PLXNA4: variants seen among roughly 807,000 people sequenced by gnomAD.
PLXNA4 encodes the protein plexin-A4.
In PLXNA4, 44 loss-of-function variants were observed where a neutral mutation model predicts 191.8. The observed-to-expected ratio is 0.23, with a 90% CI of 0.18 to 0.29. PLXNA4 has a LOEUF of 0.29. Ranked by LOEUF, PLXNA4 falls within the 10% of genes least tolerant of loss-of-function variation. PLXNA4 has a pLI of 1.00. For missense variants in PLXNA4, 1,800 were observed against 2,488.8 expected, an observed-to-expected ratio of 0.72 and a Z score of 5.89; for synonymous variants, 1,082 against 1,009.5, an observed-to-expected ratio of 1.07 and a Z score of -1.36.
rs10270366 is a variant in PLXNA4, at chr7:132,217,927, T to C, written c.2097+5600A>G. Among the ~76,000 whole-genome samples, 135 of 103,710 alleles carry C rather than the reference T, an allele frequency of 1.3e-3. 1 individual carries two copies. Among genetic ancestry groups the C allele is most frequent in the African/African-American group, 4.7e-3 (119 of 25,556 alleles). 68.0% of individuals were successfully genotyped at this position (103,710 alleles called of 152,430 possible). On this transcript the variant is annotated intron_variant, in intron 9 of 31. Coordinates refer to ENST00000321063, the MANE Select transcript of PLXNA4 (RefSeq NM_020911.2). The stretch of plus-strand genomic sequence containing the variant: ...TTTTTTTTTTTTTTTTTTTTTTTTT[T>C]CACAGCAGGGTGAAAGGCATGGCAG...
chr7:132,539,217 C>CA (rs1400380450), intron 1 of PLXNA4, among the ~76,000 whole-genome samples: 1 of 152,162 alleles, frequency 6.6e-6, no homozygotes, highest in Non-Finnish European at 1.5e-5. Flanking sequence ...CTGTCCCTGC[C>CA]ACAAAGACCG....
intron 9 of PLXNA4, among the ~76,000 whole-genome samples, chr7:132,222,137 C>T (rs911925411): frequency 2.0e-5 from 3 of 152,204 alleles, no homozygotes; most frequent in African/African-American, 7.2e-5. Flanking sequence ...GACAACATCT[C>T]CACTCCTTGC....
At chr7:132,214,954 C>T (rs1160761954) in intron 9 of PLXNA4, among the ~76,000 whole-genome samples, 2 of 152,154 alleles carry the variant, frequency 1.3e-5, no homozygotes, top group Admixed American at 6.5e-5. Context: ...GGTGAGTGGA[C>T]ATTCAGCAAA....
At chr7:132,633,654 T>A (rs1803537596) in intron 2 of PLXNA4, among the ~76,000 whole-genome samples, 2 of 152,206 alleles carry the variant, frequency 1.3e-5, no homozygotes, top group South Asian at 2.1e-4. Context: ...AGGCACTGAA[T>A]AGTTAAAGGC....
chr7:132,259,575 C>T (rs962039851), intron 4 of PLXNA4, among the ~76,000 whole-genome samples: 2 of 151,962 alleles, frequency 1.3e-5, no homozygotes, highest in Admixed American at 6.6e-5. Context: ...TTCCCAAGGC[C>T]CTCCAGCCAG....
chr7:132,140,642 G>A lies in PLXNA4; in HGVS notation c.5395C>T (p.Leu1799=). 6.2e-7 allele frequency: 1 copy of A among 1,614,186 alleles called. No individual in the cohort carries two copies. The highest frequency in any genetic ancestry group is 8.5e-7 in the Non-Finnish European group (1 of 1,180,030). ...TAGCTGGGGATGTCCTTGGCATACA[G>A]CAGCTTGTTGGAGGGCGAGTCCTTG... is the stretch of plus-strand genomic sequence containing the variant. ...LGKDSPSNKL[L]YAKDIPSYKN... is the part of the protein sequence containing the mutation. The change falls in exon 30 of 32, where the codon CTG becomes TTG. Residue 1799 remains leucine, a synonymous_variant. Transcript: ENST00000321063.
intron 10 of PLXNA4, among the ~76,000 whole-genome samples, chr7:132,204,391 T>C (rs1797543908): frequency 6.6e-6 from 1 of 152,208 alleles, no homozygotes; most frequent in Non-Finnish European, 1.5e-5. Flanking sequence ...CCTGGTGATT[T>C]TCTCATTATT....
chr7:132,384,883 A>T, intron 3 of PLXNA4: 1 of 1,201,044 alleles, frequency 8.3e-7, no homozygotes, highest in South Asian at 1.7e-5. Flanking sequence ...TTCCGATGGG[A>T]GAATCAGTTA....
At chr7:132,385,587 C>A (rs1234148459) in intron 3 of PLXNA4, among the ~76,000 whole-genome samples, 1 of 152,210 alleles carries the variant, frequency 6.6e-6, no homozygotes, top group Non-Finnish European at 1.5e-5. Flanking sequence ...TATGATGGCA[C>A]GTGTCTTAGA....
At position 132,548,155 on chromosome 7, in the gene PLXNA4, C is replaced by T. The variant is rs545357184; in HGVS notation, c.-87+28267G>A. 1.1e-4 allele frequency among the ~76,000 whole-genome samples: 16 copies of T among 152,214 alleles called. 1 individual carries two copies. The South Asian group carries it at 2.9e-3, about 28-fold the overall frequency. On this transcript the variant is annotated intron_variant, in intron 1 of 31. Transcript: ENST00000321063. ...AAAAGAGTTTCTAGGAATGCCACGTCCCAAATCCTGTGGGGTTTGTGAGGG... is the reference window on the plus strand; with the variant it reads ...AAAAGAGTTTCTAGGAATGCCACGTTCCAAATCCTGTGGGGTTTGTGAGGG...
rs12535632 is a variant in PLXNA4, at chr7:132,619,375, A to G, written c.-87+26553T>C. Among the ~76,000 whole-genome samples, 1,083 of 152,332 alleles carry G rather than the reference A, an allele frequency of 7.1e-3. 8 individuals are homozygous for G. The highest frequency in any genetic ancestry group is 0.027 in the Middle Eastern group (8 of 294). On this transcript the variant is annotated intron_variant, in intron 2 of 4. Transcript: ENST00000378539. ...CATGCATACCTGTCCAAAAAGATTA[A>G]CTGCCAGATTAAACATAAAAAGTGA...
In PLXNA4 at chr7:132,629,507, G is replaced by A. The variant is rs559687625; in HGVS notation, c.-87+16421C>T. ...CATTACCTCTGAGTTTCTGGAGTGAGGTCCTGACCTGCATATTTTTTAACT... is the reference window on the plus strand; with the variant it reads ...CATTACCTCTGAGTTTCTGGAGTGAAGTCCTGACCTGCATATTTTTTAACT... On this transcript the variant is annotated intron_variant, in intron 2 of 4. Coordinates refer to the PLXNA4 transcript ENST00000378539. Among the ~76,000 whole-genome samples the A allele has an allele frequency of 1.8e-4, 28 of 152,274 alleles. No individual in the cohort carries two copies. In the South Asian group the frequency reaches 2.3e-3, roughly 12 times the overall value.
chr7:132,365,328 C>CGCGTGTGTGTGTGTGT (rs142768008), intron 3 of PLXNA4, among the ~76,000 whole-genome samples: 17 of 143,074 alleles, frequency 1.2e-4, no homozygotes, highest in African/African-American at 4.3e-4. Flanking sequence ...CTACGGCCCG[C>CGCGTGTGTGTGTGTGT]GTGTGTGTGT....
intron 4 of PLXNA4, among the ~76,000 whole-genome samples, chr7:132,242,528 T>A (rs1024066095): frequency 6.6e-6 from 1 of 152,138 alleles, no homozygotes; most frequent in Non-Finnish European, 1.5e-5. Flanking sequence ...CCACATGATC[T>A]CTTTTCCCTT....
rs1338252204 is a variant in PLXNA4, at chr7:132,181,946, A to G, written c.3252+151T>C. 1.3e-5 allele frequency: 17 copies of G among 1,303,816 alleles called. No homozygotes were observed. The East Asian group carries it at 1.5e-4, about 12-fold the overall frequency. The allele number at this position is 1,303,816 out of a possible 1,614,324, so 80.8% of individuals were successfully genotyped here. On this transcript the variant is annotated intron_variant, in intron 17 of 31. Transcript: ENST00000321063. The stretch of plus-strand genomic sequence containing the variant: ...AAAATGCCCTTATGTCTTCCCCCCT[A>G]TTCCACTATCCTAGTATTCAAGGGT...
rs895161974 is a variant in PLXNA4 at position 132,429,252 on chromosome 7, T to C, written c.1371+60040A>G. Among the ~76,000 whole-genome samples, 3 of 152,226 alleles carry C rather than the reference T, an allele frequency of 2.0e-5. No homozygotes were observed. The South Asian group carries it at 6.2e-4, about 32-fold the overall frequency. On this transcript the variant is annotated intron_variant, in intron 3 of 31. Coordinates refer to ENST00000321063, the MANE Select transcript of PLXNA4 (RefSeq NM_020911.2). ...ACACTTTGTCCATGTGCAGGCTCCT[T>C]AACTTCTGTCTTTGGTCCCTGGGTT...
intron 1 of PLXNA4, among the ~76,000 whole-genome samples, chr7:132,512,266 G>A (rs79038130): frequency 0.033 from 4,982 of 152,210 alleles, 260 homozygotes; most frequent in African/African-American, 0.11. Flanking sequence ...CCTACCCCAC[G>A]ACCTGCCTTA....
rs145683463 is a variant in PLXNA4, at chr7:132,638,381, G to A, written c.-87+7547C>T. Among the ~76,000 whole-genome samples the A allele has an allele frequency of 1.5e-3, 234 of 152,368 alleles. 1 individual carries two copies. In the Middle Eastern group the frequency reaches 0.017, roughly 11 times the overall value. ...CAAGAAAATGCCAGGGCCGGGCATG[G>A]TGGCTCACGCCTGTAATCCCAGCAC... On this transcript the variant is annotated intron_variant, in intron 2 of 4. Coordinates refer to the PLXNA4 transcript ENST00000378539.
chr7:132,565,214 G>C (rs1213829188), intron 1 of PLXNA4, among the ~76,000 whole-genome samples: 2 of 152,216 alleles, frequency 1.3e-5, no homozygotes, highest in East Asian at 3.8e-4. Context: ...ACGCGAAACA[G>C]CAAGGGCTTA....
Sources: gnomAD v4.1 joint callset for allele counts (sites outside exome capture counted in the v4.1 genomes callset) on GRCh38, gnomAD v4.1.1 for gene constraint, MANE v1.5 for transcripts, NCBI Gene and HGNC (gene_info 2026-07-23, HGNC 2026-07-21) for gene names.